The following KCNC2 variants were observed in gnomAD, a reference collection of about 807,000 sequenced individuals.
KCNC2 encodes the protein potassium voltage-gated channel subfamily C member 2, also known as voltage-gated potassium channel KCNC2.
In KCNC2, 21 loss-of-function variants were observed where a neutral mutation model predicts 44.5. The observed-to-expected ratio is 0.47, with a 90% confidence interval of 0.33 to 0.68. The LOEUF (loss-of-function observed/expected upper bound fraction) is 0.68, where lower values mean the gene tolerates loss of function less well. Ranked by LOEUF, KCNC2 falls within the 30% of genes least tolerant of loss-of-function variation. The pLI is 0.01. For missense variants in KCNC2, 589 were observed against 826.2 expected (o/e 0.71, Z 3.52); for synonymous variants, 391 against 339.1 (o/e 1.15, Z -1.68).
chr12:75,140,754 T>C (rs1565886578), intron 2 of KCNC2, among the ~76,000 whole-genome samples: 7 of 152,024 alleles, frequency 4.6e-5, no homozygotes. Context: ...AATTAAAGAT[T>C]AGAAGTGGAG....
chr12:75,062,821 A>C, intron 2 of KCNC2, among the ~76,000 whole-genome samples: 1 of 152,022 alleles, frequency 6.6e-6, no homozygotes, highest in East Asian at 1.9e-4. Flanking sequence ...TATTCTCTTG[A>C]GCTTGCACAG....
chr12:75,150,978 A>G (rs1049916527), intron 2 of KCNC2, among the ~76,000 whole-genome samples: 3 of 151,960 alleles, frequency 2.0e-5, no homozygotes, highest in East Asian at 1.9e-4. Flanking sequence ...TTCCATTAGT[A>G]TGGTGGATTA....
intron 2 of KCNC2, among the ~76,000 whole-genome samples, chr12:75,096,681 A>G (rs1885951752): frequency 6.6e-6 from 1 of 152,056 alleles, no homozygotes; most frequent in Non-Finnish European, 1.5e-5. Context: ...ATTGCAAAAA[A>G]GTACATACCC....
chr12:75,076,994 A>G (rs1448973456), intron 2 of KCNC2, among the ~76,000 whole-genome samples: 1 of 150,042 alleles, frequency 6.7e-6, no homozygotes, highest in Non-Finnish European at 1.5e-5. Context: ...TTTCTAAAAA[A>G]TCTTATTGTG....
intron 2 of KCNC2, among the ~76,000 whole-genome samples, chr12:75,171,222 A>G (rs1289795194): frequency 6.6e-6 from 1 of 151,808 alleles, no homozygotes; most frequent in Non-Finnish European, 1.5e-5. Flanking sequence ...AGCCTTAGTT[A>G]CTTCGGCAAA....
chr12:75,045,839 A>T (rs1880440885), intron 4 of KCNC2, among the ~76,000 whole-genome samples: 1 of 152,062 alleles, frequency 6.6e-6, no homozygotes, highest in Admixed American at 6.6e-5. Context: ...ATTTTTAGCT[A>T]GAAAAATAAT....
intron 2 of KCNC2, among the ~76,000 whole-genome samples, chr12:75,103,548 G>T (rs1036649733): frequency 6.6e-6 from 1 of 152,106 alleles, no homozygotes; most frequent in African/African-American, 2.4e-5. Context: ...TAGCAAAGAT[G>T]AGGTGAATAA....
intron 2 of KCNC2, among the ~76,000 whole-genome samples, chr12:75,187,760 A>G (rs1893050687): frequency 6.6e-6 from 1 of 152,218 alleles, no homozygotes; most frequent in Admixed American, 6.5e-5. Context: ...CGACGACTAT[A>G]AATGAAAATT....
chr12:75,071,815 T>C (rs957817845), intron 2 of KCNC2, among the ~76,000 whole-genome samples: 3 of 151,670 alleles, frequency 2.0e-5, no homozygotes, highest in Admixed American at 6.6e-5. Context: ...CACGCACCTG[T>C]AATCCCAGCT....
intron 2 of KCNC2, among the ~76,000 whole-genome samples, chr12:75,172,509 A>C (rs1383552097): frequency 6.6e-6 from 1 of 151,756 alleles, no homozygotes; most frequent in South Asian, 2.1e-4. Context: ...AAAAAAGTAC[A>C]TCCACCTTTG....
chr12:75,091,420 C>T (rs562074897), intron 2 of KCNC2, among the ~76,000 whole-genome samples: 2 of 151,620 alleles, frequency 1.3e-5, no homozygotes, highest in Non-Finnish European at 3.0e-5. Flanking sequence ...TCTGTATGAG[C>T]CTGTACTGGC....
intron 2 of KCNC2, among the ~76,000 whole-genome samples, chr12:75,166,698 A>G (rs1322897553): frequency 2.0e-5 from 3 of 151,284 alleles, no homozygotes; most frequent in African/African-American, 7.3e-5. Context: ...TAAACAACAC[A>G]TTCCTAAGTA....
chr12:75,155,340 A>T (rs1190307348), intron 2 of KCNC2, among the ~76,000 whole-genome samples: 1 of 151,886 alleles, frequency 6.6e-6, no homozygotes, highest in African/African-American at 2.4e-5. Flanking sequence ...ACTTGGAGTG[A>T]AACAAAGCAG....
chr12:75,087,346 G>A (rs1178895928), intron 2 of KCNC2, among the ~76,000 whole-genome samples: 1 of 152,012 alleles, frequency 6.6e-6, no homozygotes, highest in Non-Finnish European at 1.5e-5. Flanking sequence ...CTTCCAGTTA[G>A]TCAAGATAAC....
intron 1 of KCNC2, among the ~76,000 whole-genome samples, chr12:75,208,294 C>A (rs746707282): frequency 4.6e-5 from 7 of 152,066 alleles, no homozygotes; most frequent in Non-Finnish European, 8.8e-5. Context: ...GATCTCTTCA[C>A]CTTCATCTTT....
chr12:75,182,213 C>T (rs907407470), intron 2 of KCNC2, among the ~76,000 whole-genome samples: 1 of 151,598 alleles, frequency 6.6e-6, no homozygotes, highest in African/African-American at 2.4e-5. Context: ...AAAGTGCATA[C>T]CCTGCTTGTC....
chr12:75,203,270 A>C (rs975582918), intron 2 of KCNC2, among the ~76,000 whole-genome samples: 5 of 151,788 alleles, frequency 3.3e-5, no homozygotes, highest in African/African-American at 1.2e-4. Context: ...GGCGAAGAGG[A>C]AAAAGTGGCC....
intron 2 of KCNC2, among the ~76,000 whole-genome samples, chr12:75,122,586 C>A (rs1266826998): frequency 6.6e-6 from 1 of 152,016 alleles, no homozygotes; most frequent in East Asian, 1.9e-4. Flanking sequence ...GCTTTAGAAT[C>A]AAAGAAAATC....
At chr12:75,202,289 G>A (rs964590633) in intron 2 of KCNC2, among the ~76,000 whole-genome samples, 4 of 151,792 alleles carry the variant, frequency 2.6e-5, no homozygotes, top group Admixed American at 2.6e-4. Flanking sequence ...CACCTCATAT[G>A]TATATCACTT....
Sources: gnomAD v4.1 joint callset for allele counts (sites outside exome capture counted in the v4.1 genomes callset) on GRCh38, gnomAD v4.1.1 for gene constraint, MANE v1.5 for transcripts, NCBI Gene and HGNC (gene_info 2026-07-23, HGNC 2026-07-21) for gene names.